PKP4: variants seen among roughly 807,000 people sequenced by gnomAD.
The protein encoded by PKP4 is plakophilin 4.
PKP4 carries 90 observed loss-of-function variants against 145.1 expected under a neutral mutation model. The ratio of observed to expected loss-of-function variants is 0.62; its 90% CI spans 0.52 to 0.74. The LOEUF is 0.74. PKP4 is among the 30% of genes least tolerant of loss of function. The pLI, the probability that PKP4 is intolerant of heterozygous loss-of-function variation, is 0.00. For synonymous variants in PKP4, 563 were observed against 577.2 expected (o/e 0.98, Z 0.35); for missense variants, 1,340 against 1,482.7 (o/e 0.90, Z 1.58).
chr2:158,469,426 T>C (rs1691207596), intron 1 of PKP4, among the ~76,000 whole-genome samples: 1 of 152,128 alleles, frequency 6.6e-6, no homozygotes, highest in Non-Finnish European at 1.5e-5. Context: ...TCTTATCCCC[T>C]CCTTCCCACC....
chr2:158,657,349 C>A (rs1454553216), intron 11 of PKP4, among the ~76,000 whole-genome samples: 1 of 152,190 alleles, frequency 6.6e-6, no homozygotes, highest in Non-Finnish European at 1.5e-5. Context: ...CCTCTAATAT[C>A]ATTAAACAGA....
intron 1 of PKP4, among the ~76,000 whole-genome samples, chr2:158,472,080 C>T (rs1342147891): frequency 6.6e-6 from 1 of 152,066 alleles, no homozygotes. Flanking sequence ...AGAATGAGAT[C>T]AAGGAATCTA....
At chr2:158,580,378 G>A (rs2048232689) in intron 3 of PKP4, among the ~76,000 whole-genome samples, 1 of 152,116 alleles carries the variant, frequency 6.6e-6, no homozygotes, top group South Asian at 2.1e-4. Flanking sequence ...ATGCAGAAAT[G>A]GGAGTGGGGT....
chr2:158,464,913 C>T (rs1690354215), intron 1 of PKP4, among the ~76,000 whole-genome samples: 1 of 152,200 alleles, frequency 6.6e-6, no homozygotes, highest in Admixed American at 6.5e-5. Flanking sequence ...TATTGTGTTT[C>T]ATTTTGCATA....
chr2:158,592,453 T>C (rs564052998), intron 3 of PKP4, among the ~76,000 whole-genome samples: 1 of 152,174 alleles, frequency 6.6e-6, no homozygotes, highest in East Asian at 1.9e-4. Context: ...CTAAAACAGC[T>C]ATTCATGTTT....
At position 158,680,792 on chromosome 2, in the gene PKP4, T is replaced by A. The variant is rs772876980; in HGVS notation, c.*115T>A. 8.2e-6 allele frequency: 8 copies of A among 972,538 alleles called. No individual in the cohort carries two copies. Among genetic ancestry groups the A allele is most frequent in the African/African-American group, 3.3e-5 (2 of 61,318 alleles). The allele number at this position is 972,538 out of a possible 1,614,324, so 60.2% of individuals were successfully genotyped here. On this transcript the variant is annotated 3_prime_UTR_variant, in exon 22 of 22. Coordinates refer to ENST00000389759, the MANE Select transcript of PKP4 (RefSeq NM_003628.6). ...GTGAAAGTGAAGTGGAAGGAATGAATGAAGTGTGTTTTTTTTTTCTTTTTT... is the reference window on the plus strand; with the variant it reads ...GTGAAAGTGAAGTGGAAGGAATGAAAGAAGTGTGTTTTTTTTTTCTTTTTT...
rs1158998948 is a variant in PKP4 at position 158,554,207 on chromosome 2, ATTCGC to A, written c.132+20893_132+20897del. Among the ~76,000 whole-genome samples, 793 of 151,636 alleles carry A rather than the reference ATTCGC, an allele frequency of 5.2e-3. 4 individuals are homozygous for A. The highest frequency in any genetic ancestry group is 0.013 in the South Asian group (60 of 4,772). On this transcript the variant is annotated intron_variant, in intron 2 of 21. Coordinates refer to ENST00000389759, the MANE Select transcript of PKP4 (RefSeq NM_003628.6). The stretch of plus-strand genomic sequence containing the variant: ...CAGTAGCCTTCTGGCACTCACTGTC[ATTCGC>A]TGAAGATTCAGCTCATGGCCACCTT...
rs547912652 is a variant in PKP4 at position 158,663,355 on chromosome 2, A to G, written c.2487A>G (p.Pro829=). ...EMLWHPSVVK[P]YLTLLAESSN... ...TGTGGCACCCATCGGTGGTAAAACC[A>G]TATCTGACTCTTCTAGCAGAAAGTT... Residue 829 remains proline (P), a synonymous_variant, in exon 15 of 22, where the codon CCA becomes CCG. Transcript: ENST00000389759. The G allele has an allele frequency of 1.5e-4, 245 of 1,614,120 alleles. No individual in the cohort carries two copies. Among genetic ancestry groups the G allele is most frequent in the Non-Finnish European group, 1.8e-4 (212 of 1,179,980 alleles).
chr2:158,533,951 T>C (rs749639945), intron 2 of PKP4, among the ~76,000 whole-genome samples: 1 of 152,210 alleles, frequency 6.6e-6, no homozygotes, highest in Non-Finnish European at 1.5e-5. Flanking sequence ...CAATTTTAAT[T>C]TCTTAAGATT....
At chr2:158,560,888 T>A (rs1198855358) in intron 2 of PKP4, among the ~76,000 whole-genome samples, 1 of 152,194 alleles carries the variant, frequency 6.6e-6, no homozygotes, top group Non-Finnish European at 1.5e-5. Context: ...AGATCCAAGT[T>A]GATACCAAAA....
intron 2 of PKP4, chr2:158,533,562 GTC>G (rs956084075): frequency 4.5e-5 from 26 of 575,102 alleles, no homozygotes; most frequent in African/African-American, 4.4e-4. Context: ...GGTGATCGGT[GTC>G]TCTGTCTCTC....
At chr2:158,652,643 A>G (rs962620979) in intron 11 of PKP4, among the ~76,000 whole-genome samples, 3 of 152,222 alleles carry the variant, frequency 2.0e-5, no homozygotes, top group African/African-American at 7.2e-5. Context: ...TGTTTGTGCT[A>G]TTAATCTAAT....
intron 1 of PKP4, among the ~76,000 whole-genome samples, chr2:158,504,863 A>G (rs78316005): frequency 0.024 from 3,641 of 152,238 alleles, 149 homozygotes; most frequent in African/African-American, 0.083. Flanking sequence ...TCATTTTCCA[A>G]CTATTTCAGT....
chr2:158,673,453 C>T (rs1448875894), intron 17 of PKP4, among the ~76,000 whole-genome samples: 1 of 152,236 alleles, frequency 6.6e-6, no homozygotes, highest in East Asian at 1.9e-4. Flanking sequence ...CCACAGAGCT[C>T]ACTGCCTGAT....
intron 2 of PKP4, among the ~76,000 whole-genome samples, chr2:158,557,781 C>T (rs780720727): frequency 1.3e-4 from 20 of 152,078 alleles, no homozygotes; most frequent in Non-Finnish European, 4.4e-5. Context: ...GACCTGTTTA[C>T]GTTTGTGTGT....
intron 1 of PKP4, among the ~76,000 whole-genome samples, chr2:158,463,194 T>C (rs1452223890): frequency 6.6e-6 from 1 of 152,196 alleles, no homozygotes; most frequent in Non-Finnish European, 1.5e-5. Context: ...TAGGCAATAC[T>C]TAGAGAGGCA....
At chr2:158,602,351 A>T (rs1391272404) in intron 3 of PKP4, among the ~76,000 whole-genome samples, 3 of 152,136 alleles carry the variant, frequency 2.0e-5, no homozygotes, top group Non-Finnish European at 4.4e-5. Flanking sequence ...CATAAAGGAG[A>T]TCATATGTGA....
In PKP4 at chr2:158,680,702, T is replaced by C. The variant is rs578058456; in HGVS notation, c.*25T>C. 1.6e-5 allele frequency: 25 copies of C among 1,576,770 alleles called. No individual in the cohort carries two copies. In the East Asian group the frequency reaches 4.7e-4, roughly 30 times the overall value. ...GCATCAAGATGCCCAACAGAGGAACTCTTTCTTTCTAACCTTGTTCAGATT... is the reference window on the plus strand; with the variant it reads ...GCATCAAGATGCCCAACAGAGGAACCCTTTCTTTCTAACCTTGTTCAGATT... On this transcript the variant is annotated 3_prime_UTR_variant, in exon 22 of 22. Transcript: ENST00000389759.
intron 3 of PKP4, among the ~76,000 whole-genome samples, chr2:158,584,721 T>C (rs1407480142): frequency 6.6e-6 from 1 of 152,208 alleles, no homozygotes; most frequent in Non-Finnish European, 1.5e-5. Flanking sequence ...GAAGATTTCA[T>C]AAATGAAATA....
Sources: gnomAD v4.1 joint callset for allele counts (sites outside exome capture counted in the v4.1 genomes callset) on GRCh38, gnomAD v4.1.1 for gene constraint, MANE v1.5 for transcripts, NCBI Gene and HGNC (gene_info 2026-07-23, HGNC 2026-07-21) for gene names.